LARP4B: variants seen among roughly 807,000 people sequenced by gnomAD.
The protein encoded by LARP4B is la-related protein 4B.
LARP4B carries 12 observed loss-of-function variants against 89.8 expected under a neutral mutation model. The observed-to-expected ratio is 0.13, with a 90% CI of 0.09 to 0.22. LARP4B has a LOEUF of 0.22. Among genes scored for constraint, LARP4B ranks in the 10% least tolerant of loss-of-function variants. The pLI, the probability that LARP4B is intolerant of heterozygous loss-of-function variation, is 1.00. For missense variants in LARP4B, 757 were observed against 947.7 expected (o/e 0.80, Z 2.64); for synonymous variants, 367 against 363.3 (o/e 1.01, Z -0.12).
the LARP4B span, among the ~76,000 whole-genome samples, chr10:939,671 C>A: frequency 6.6e-6 from 1 of 152,128 alleles, no homozygotes; most frequent in Non-Finnish European, 1.5e-5. Flanking sequence ...ACTTGCCTGG[C>A]CTTAGCACTC....
intron 1 of LARP4B, among the ~76,000 whole-genome samples, chr10:910,748 G>A (rs897460289): frequency 8.5e-5 from 13 of 152,168 alleles, no homozygotes; most frequent in African/African-American, 2.2e-4. Flanking sequence ...TGGTGGTTAC[G>A]TTTTATAGAG....
rs375952835 is a variant in LARP4B, at chr10:844,967, C to T, written c.509+10G>A. The T allele has an allele frequency of 1.2e-6, 2 of 1,602,994 alleles. No individual in the cohort carries two copies. Among genetic ancestry groups the T allele is most frequent in the Non-Finnish European group, 1.7e-6 (2 of 1,175,364 alleles). On this transcript the variant is annotated intron_variant, in intron 6 of 17. Coordinates refer to ENST00000316157, the MANE Select transcript of LARP4B (RefSeq NM_015155.3). ...ATATCAGGTACTAGAAAAACCACCA[C>T]CAGCCTTACCTAGATAAGCAGAATT...
the LARP4B span, among the ~76,000 whole-genome samples, chr10:948,404 AACTG>A: frequency 6.6e-6 from 1 of 152,044 alleles, no homozygotes; most frequent in Non-Finnish European, 1.5e-5. Flanking sequence ...CCACCACCAC[AACTG>A]ACTAATTTTT....
the LARP4B span, among the ~76,000 whole-genome samples, chr10:974,784 TGA>T: frequency 6.6e-6 from 1 of 152,244 alleles, no homozygotes; most frequent in Non-Finnish European, 1.5e-5. Context: ...AAGGGTGCTG[TGA>T]AGATTAAACA....
At chr10:943,912 T>A in the LARP4B span, among the ~76,000 whole-genome samples, 1 of 151,960 alleles carries the variant, frequency 6.6e-6, no homozygotes, top group Admixed American at 6.6e-5. Context: ...ACAGGCACCA[T>A]TGAAGCTCAC....
At position 817,733 on chromosome 10, in the gene LARP4B, T is replaced by C; in HGVS notation, c.1687A>G (p.Lys563Glu). ...TGCAATATATCCCTTACCCTTTCTT[T>C]GGATGGTCCTATTATCAAGCTAGAT... ...RLSSLIIGPS[K>E]ERTLSADASV... The change falls in exon 15 of 18, where the codon AAA becomes GAA. Residue 563 changes from lysine (K) to glutamate (E), a missense_variant. Lys to Glu is a moderately conservative substitution (Grantham distance 56, BLOSUM62 1). Coordinates refer to ENST00000316157, the MANE Select transcript of LARP4B (RefSeq NM_015155.3). 6.2e-7 allele frequency: 1 copy of C among 1,614,060 alleles called. No individual in the cohort carries two copies. The highest frequency in any genetic ancestry group is 8.5e-7 in the Non-Finnish European group (1 of 1,179,908).
chr10:893,953 C>T (rs556627940), intron 1 of LARP4B, among the ~76,000 whole-genome samples: 2 of 152,276 alleles, frequency 1.3e-5, no homozygotes, highest in East Asian at 1.9e-4. Flanking sequence ...AGCTGCTGTT[C>T]CTCGATGAAC....
intron 1 of LARP4B, among the ~76,000 whole-genome samples, chr10:926,433 C>T (rs1837134552): frequency 6.6e-6 from 1 of 152,062 alleles, no homozygotes; most frequent in Non-Finnish European, 1.5e-5. Flanking sequence ...TTTGCAACAC[C>T]AAGGTAGGAG....
At chr10:928,000 G>T (rs1158976476) in intron 1 of LARP4B, among the ~76,000 whole-genome samples, 1 of 151,876 alleles carries the variant, frequency 6.6e-6, no homozygotes, top group African/African-American at 2.4e-5. Flanking sequence ...ATCACCTGCG[G>T]TCAGGAGTTC....
chr10:898,719 G>A (rs762213231), intron 1 of LARP4B, among the ~76,000 whole-genome samples: 2 of 152,212 alleles, frequency 1.3e-5, no homozygotes, highest in Non-Finnish European at 2.9e-5. Context: ...AAAAGAATGA[G>A]TTTGGTAAGG....
intron 7 of LARP4B, among the ~76,000 whole-genome samples, chr10:841,992 C>T (rs1440340609): frequency 2.0e-5 from 3 of 151,546 alleles, no homozygotes; most frequent in Non-Finnish European, 2.9e-5. Context: ...AAAAAAAAAC[C>T]TGCACAGACT....
At chr10:807,244 G>A (rs897317596), downstream of LARP4B, 1 of 152,286 alleles carries the variant, frequency 6.6e-6, no homozygotes, top group Admixed American at 6.5e-5. Flanking sequence ...ACAGGGGTGA[G>A]GAACAGGCTG....
intron 3 of LARP4B, chr10:873,057 G>C (rs552859984): frequency 1.0e-6 from 1 of 985,306 alleles, no homozygotes; most frequent in East Asian, 1.1e-4. Flanking sequence ...TTGTTTTCTG[G>C]TTCCTTTTCC....
intron 5 of LARP4B, among the ~76,000 whole-genome samples, chr10:859,140 G>A (rs780536160): frequency 3.9e-5 from 6 of 152,108 alleles, no homozygotes; most frequent in African/African-American, 7.2e-5. Flanking sequence ...TTAGCTGGGC[G>A]TGGTGGCTCA....
chr10:868,461 G>A (rs541427686), intron 3 of LARP4B, among the ~76,000 whole-genome samples: 1 of 151,714 alleles, frequency 6.6e-6, no homozygotes, highest in Admixed American at 6.6e-5. Flanking sequence ...GTTAAACGTG[G>A]TAACGCTTCG....
chr10:860,199 A>T (rs369650901), intron 5 of LARP4B, among the ~76,000 whole-genome samples: 4 of 151,846 alleles, frequency 2.6e-5, no homozygotes, highest in South Asian at 2.1e-4. Context: ...AAAGTGCTCT[A>T]AAAAAAACAG....
At chr10:862,201 A>G (rs934716683) in intron 5 of LARP4B, among the ~76,000 whole-genome samples, 1 of 151,366 alleles carries the variant, frequency 6.6e-6, no homozygotes, top group Non-Finnish European at 1.5e-5. Context: ...TACCTTTATA[A>G]ATACTTGATT....
At chr10:877,404 AG>A (rs1835502114) in intron 3 of LARP4B, among the ~76,000 whole-genome samples, 1 of 152,238 alleles carries the variant, frequency 6.6e-6, no homozygotes, top group Non-Finnish European at 1.5e-5. Context: ...AATTCTGAAA[AG>A]CCTTTCAGAT....
intron 3 of LARP4B, among the ~76,000 whole-genome samples, chr10:864,661 T>A (rs1292739233): frequency 6.6e-6 from 1 of 152,140 alleles, no homozygotes; most frequent in Non-Finnish European, 1.5e-5. Flanking sequence ...ATTAGAAAGC[T>A]TAAACAAGTC....
Sources: gnomAD v4.1 joint callset for allele counts (sites outside exome capture counted in the v4.1 genomes callset) on GRCh38, gnomAD v4.1.1 for gene constraint, MANE v1.5 for transcripts, NCBI Gene and HGNC (gene_info 2026-07-23, HGNC 2026-07-21) for gene names.